The following ADGRL2 variants were observed in gnomAD, a reference collection of about 807,000 sequenced individuals.
ADGRL2 encodes calcium-independent alpha-latrotoxin receptor 2.
Under a neutral mutation model 157.4 loss-of-function variants are expected in ADGRL2, and 44 were observed. That is an observed-to-expected ratio of 0.28 (90% CI 0.22 to 0.36). The LOEUF is 0.36. Ranked by LOEUF, ADGRL2 falls within the 10% of genes least tolerant of loss-of-function variation. ADGRL2 has a pLI of 1.00. For synonymous variants in ADGRL2, 585 were observed against 624.7 expected, an observed-to-expected ratio of 0.94 and a Z score of 0.95; for missense variants, 1,510 against 1,768.9, an observed-to-expected ratio of 0.85 and a Z score of 2.63.
chr1:81,525,374 G>A (rs751847194), intron 2 of ADGRL2, among the ~76,000 whole-genome samples: 72 of 152,008 alleles, frequency 4.7e-4, no homozygotes, highest in Non-Finnish European at 9.0e-4. Context: ...CTGGAGTGCA[G>A]TGGTGCGATC....
At chr1:81,802,508 A>G (rs960063668) in intron 1 of ADGRL2, among the ~76,000 whole-genome samples, 2 of 152,094 alleles carry the variant, frequency 1.3e-5, no homozygotes, top group Non-Finnish European at 2.9e-5. Context: ...CTCTCCAGGC[A>G]TCAGTCTAGT....
intron 2 of ADGRL2, among the ~76,000 whole-genome samples, chr1:81,794,281 C>A (rs553749868): frequency 4.6e-5 from 7 of 152,120 alleles, no homozygotes; most frequent in Non-Finnish European, 1.0e-4. Flanking sequence ...ATTTTCGGGA[C>A]AACTAAAGTT....
chr1:81,533,587 G>A (rs1234088956), intron 2 of ADGRL2, among the ~76,000 whole-genome samples: 2 of 151,818 alleles, frequency 1.3e-5, no homozygotes, highest in African/African-American at 4.8e-5. Flanking sequence ...TATACTTAAG[G>A]GTCCTTTAAT....
chr1:81,578,520 A>G (rs1331069427), intron 2 of ADGRL2, among the ~76,000 whole-genome samples: 1 of 152,164 alleles, frequency 6.6e-6, no homozygotes, highest in Non-Finnish European at 1.5e-5. Flanking sequence ...GTGGCATTTG[A>G]ATCTGATGCT....
chr1:81,977,776 T>C (rs79169420), intron 17 of ADGRL2, among the ~76,000 whole-genome samples: 2,399 of 151,804 alleles, frequency 0.016, 29 homozygotes, highest in Admixed American at 0.025. Context: ...ATTATGGTCC[T>C]GTACACTTCA....
chr1:81,334,681 A>T (rs1661511429), intron 1 of ADGRL2, among the ~76,000 whole-genome samples: 1 of 152,228 alleles, frequency 6.6e-6, no homozygotes, highest in Non-Finnish European at 1.5e-5. Context: ...GGTAACTTTT[A>T]CTATATTCTT....
At chr1:81,397,752 G>A (rs2076682601) in intron 1 of ADGRL2, among the ~76,000 whole-genome samples, 6 of 152,184 alleles carry the variant, frequency 3.9e-5, no homozygotes, top group Admixed American at 3.9e-4. Flanking sequence ...GCTGAAGAAT[G>A]TTTGATGTGC....
intron 1 of ADGRL2, among the ~76,000 whole-genome samples, chr1:81,375,832 G>C (rs1311850773): frequency 6.6e-6 from 1 of 151,858 alleles, no homozygotes; most frequent in Non-Finnish European, 1.5e-5. Context: ...ATTCAGCTAT[G>C]GTTCATCGCT....
intron 2 of ADGRL2, among the ~76,000 whole-genome samples, chr1:81,535,879 A>G (rs1018886472): frequency 1.3e-5 from 2 of 152,206 alleles, no homozygotes; most frequent in African/African-American, 2.4e-5. Flanking sequence ...GCCCAGGAAA[A>G]AAACCTAACA....
intron 2 of ADGRL2, among the ~76,000 whole-genome samples, chr1:81,841,733 TG>T (rs2092589007): frequency 2.0e-5 from 3 of 152,116 alleles, no homozygotes; most frequent in Non-Finnish European, 4.4e-5. Flanking sequence ...AGGGCAGGGA[TG>T]TTTTGTTGTT....
chr1:81,580,487 G>A (rs754765096), intron 2 of ADGRL2, among the ~76,000 whole-genome samples: 8 of 152,016 alleles, frequency 5.3e-5, no homozygotes, highest in East Asian at 1.9e-4. Context: ...TTGAACAGGC[G>A]TGATGCTAGA....
chr1:81,984,681 A>G lies in ADGRL2; in HGVS notation c.3381A>G (p.Arg1127=), dbSNP rs41292982. ...GTTCAGTGAAGGCATCAACCACCAGAACCAGTGCTCGCTATTCCTCTGGCA... is the reference window on the plus strand; with the variant it reads ...GTTCAGTGAAGGCATCAACCACCAGGACCAGTGCTCGCTATTCCTCTGGCA... ...PHSSVKASTT[R]TSARYSSGTQ... The change falls in exon 20 of 24, where the codon AGA becomes AGG. Residue 1127 remains arginine, a synonymous_variant. Transcript: ENST00000686636. The G allele has an allele frequency of 0.023, 37,605 of 1,612,892 alleles. 652 individuals carry two copies. The highest frequency in any genetic ancestry group is 0.062 in the South Asian group (5,660 of 91,036).
chr1:81,804,817 CTTAA>C (rs1458595406), intron 1 of ADGRL2, among the ~76,000 whole-genome samples: 11 of 152,100 alleles, frequency 7.2e-5, no homozygotes, highest in South Asian at 2.1e-4. Flanking sequence ...GAAAAGGCCA[CTTAA>C]TTAGTTTTTA....
chr1:81,391,798 G>T (rs1000131111), intron 1 of ADGRL2, among the ~76,000 whole-genome samples: 2 of 152,094 alleles, frequency 1.3e-5, no homozygotes, highest in Non-Finnish European at 2.9e-5. Flanking sequence ...CTGGAAATAA[G>T]AAATGGAGGC....
At chr1:81,716,344 A>C (rs188244829) in intron 1 of ADGRL2, among the ~76,000 whole-genome samples, 1 of 152,194 alleles carries the variant, frequency 6.6e-6, no homozygotes, top group African/African-American at 2.4e-5. Flanking sequence ...TAAAATGGTT[A>C]CAATAATACT....
Position 81,837,024 on chromosome 1 carries a change from A to G in ADGRL2, c.40A>G (p.Ile14Val), listed in dbSNP as rs746491038. ...SGCRMRSLWF[I>V]IVISFLPNTE... The stretch of plus-strand genomic sequence containing the variant: ...TTGCAGAATGCGAAGTCTGTGGTTT[A>G]TCATTGTAATCAGCTTCTTACCAAA... The change falls in exon 2 of 24, where the codon ATC becomes GTC. Residue 14 changes from isoleucine (I) to valine (V), a missense_variant. Ile to Val is a conservative substitution (Grantham distance 29, BLOSUM62 3). Transcript: ENST00000686636. The G allele has an allele frequency of 2.5e-6, 4 of 1,593,468 alleles. No individual in the cohort carries two copies. The highest frequency in any genetic ancestry group is 1.8e-5 in the Admixed American group (1 of 56,020).
intron 2 of ADGRL2, chr1:81,506,194 G>A (rs2078972240): frequency 6.5e-6 from 1 of 152,850 alleles, no homozygotes; most frequent in Non-Finnish European, 1.5e-5. Flanking sequence ...TAAAGACCAA[G>A]AGAGGCCGCC....
At chr1:81,813,940 G>C (rs2090130950) in intron 1 of ADGRL2, among the ~76,000 whole-genome samples, 1 of 151,664 alleles carries the variant, frequency 6.6e-6, no homozygotes, top group South Asian at 2.1e-4. Context: ...GAAAGGCACA[G>C]CTAGGGTAAG....
At chr1:81,482,212 G>C (rs1365560413) in intron 2 of ADGRL2, among the ~76,000 whole-genome samples, 3 of 152,156 alleles carry the variant, frequency 2.0e-5, no homozygotes, top group Non-Finnish European at 4.4e-5. Context: ...AGTTATTTCT[G>C]ACATAGAGAA....
Sources: gnomAD v4.1 joint callset for allele counts (sites outside exome capture counted in the v4.1 genomes callset) on GRCh38, gnomAD v4.1.1 for gene constraint, MANE v1.5 for transcripts, NCBI Gene and HGNC (gene_info 2026-07-23, HGNC 2026-07-21) for gene names.